Variants in RYR3 observed in about 807,000 individuals in gnomAD.
RYR3 encodes brain ryanodine receptor-calcium release channel.
In RYR3, 207 loss-of-function variants were observed where a neutral mutation model predicts 584.3. The observed-to-expected ratio is 0.35, with a 90% CI of 0.32 to 0.40. The LOEUF (loss-of-function observed/expected upper bound fraction) is 0.40. Ranked by LOEUF, RYR3 falls within the 10% of genes least tolerant of loss-of-function variation. RYR3 has a pLI of 1.00. For synonymous variants in RYR3, 2,416 were observed against 2,248.5 expected (o/e 1.07, Z -2.11); for missense variants, 5,616 against 6,089.2 (o/e 0.92, Z 2.59).
chr15:33,537,215 A>C lies in RYR3; in HGVS notation c.434-2135A>C, dbSNP rs184895773. Reference sequence around the variant, plus strand: ...TATTCATTTTCAAACTTTCCTATAGAAGTGAAAATCTGGTTAGATTCGCTT... The same window carrying C: ...TATTCATTTTCAAACTTTCCTATAGCAGTGAAAATCTGGTTAGATTCGCTT... On this transcript the variant is annotated intron_variant, in intron 5 of 103. Transcript: ENST00000634891. Among the ~76,000 whole-genome samples the C allele has an allele frequency of 2.2e-3, 337 of 152,270 alleles. 1 individual carries two copies. Among genetic ancestry groups the C allele is most frequent in the Non-Finnish European group, 3.6e-3 (248 of 68,010 alleles).
intron 39 of RYR3, 114 bp from the exon 40 acceptor site, chr15:33,697,768 G>A (rs1004293168): frequency 1.5e-6 from 1 of 659,712 alleles, no homozygotes; most frequent in Admixed American, 2.3e-5. Flanking sequence ...TATCTTTTCA[G>A]CCTGTTACTT....
At chr15:33,396,293 T>A (rs907127240) in intron 1 of RYR3, among the ~76,000 whole-genome samples, 2 of 152,216 alleles carry the variant, frequency 1.3e-5, no homozygotes, top group African/African-American at 4.8e-5. Flanking sequence ...ATCCCGTCTG[T>A]GTGAGTGAAG....
intron 40 of RYR3, among the ~76,000 whole-genome samples, chr15:33,698,825 C>T (rs949627918): frequency 3.3e-5 from 5 of 152,090 alleles, no homozygotes; most frequent in Non-Finnish European, 5.9e-5. Flanking sequence ...AGTTTCTGAA[C>T]CTTATTGCTT....
chr15:33,541,265 G>A (rs1279819147), intron 7 of RYR3, among the ~76,000 whole-genome samples: 1 of 152,096 alleles, frequency 6.6e-6, no homozygotes, highest in Non-Finnish European at 1.5e-5. Context: ...TTGCCAAGAA[G>A]GTGACATGGT....
At chr15:33,676,527 T>C (rs1412602695) in intron 38 of RYR3, among the ~76,000 whole-genome samples, 1 of 152,160 alleles carries the variant, frequency 6.6e-6, no homozygotes, top group Admixed American at 6.5e-5. Flanking sequence ...GAACAAGGCA[T>C]TAAAGAGAGC....
intron 47 of RYR3, among the ~76,000 whole-genome samples, chr15:33,729,781 C>G (rs2068791244): frequency 6.6e-6 from 1 of 152,118 alleles, no homozygotes; most frequent in Non-Finnish European, 1.5e-5. Context: ...GTCTAAAAAA[C>G]ATCTTTCCAG....
rs764639699 is a variant in RYR3 at position 33,603,151 on chromosome 15, G to A, written c.1951G>A (p.Ala651Thr). The A allele has an allele frequency of 2.7e-5, 44 of 1,613,676 alleles. No homozygotes were observed. The highest frequency in any genetic ancestry group is 9.3e-5 in the African/African-American group (7 of 74,870). Residue 651 changes from alanine (A) to threonine (T), a missense_variant, in exon 18 of 104, where the codon GCG (alanine) becomes ACG (threonine). Physicochemically the swap from Ala to Thr is moderately conservative, Grantham distance 58 (BLOSUM62 0). This residue lies in a region of RYR3 where 1,284 missense variants were observed against 1,344.6 expected (regional missense o/e 0.95). Coordinates refer to ENST00000634891, the MANE Select transcript of RYR3 (RefSeq NM_001036.6). ...CCGGCCAAACATCTTCCTGGGAGTC[G>A]CGGAGGGCTCAGCCCAGTACAAGAA... ...SIRPNIFLGV[A>T]EGSAQYKKWY...
chr15:33,489,660 A>G (rs185205805), intron 2 of RYR3, among the ~76,000 whole-genome samples: 28 of 152,314 alleles, frequency 1.8e-4, no homozygotes, highest in Non-Finnish European at 1.5e-5. Context: ...TAGTGCTACA[A>G]TGAATATTCA....
chr15:33,683,206 G>T (rs2064754316), intron 38 of RYR3, among the ~76,000 whole-genome samples: 1 of 151,952 alleles, frequency 6.6e-6, no homozygotes, highest in Non-Finnish European at 1.5e-5. Flanking sequence ...GTGTTTGCCA[G>T]GATGATCTCG....
At chr15:33,727,762 T>C (rs1243902428) in intron 46 of RYR3, among the ~76,000 whole-genome samples, 1 of 152,158 alleles carries the variant, frequency 6.6e-6, no homozygotes, top group African/African-American at 2.4e-5. Flanking sequence ...AGTCCCACAC[T>C]TTTCCGGTAC....
chr15:33,860,361 CA>C (rs1887722719), intron 100 of RYR3, among the ~76,000 whole-genome samples: 1 of 152,080 alleles, frequency 6.6e-6, no homozygotes, highest in African/African-American at 2.4e-5. Context: ...GAAAGAGTTT[CA>C]GGGAGGAGCA....
intron 1 of RYR3, among the ~76,000 whole-genome samples, chr15:33,417,173 G>A (rs1217818048): frequency 2.0e-5 from 3 of 151,910 alleles, no homozygotes; most frequent in East Asian, 3.9e-4. Context: ...GGCTATTTGG[G>A]GCTTTTTTGG....
chr15:33,860,164 T>G (rs1050853707), intron 100 of RYR3, among the ~76,000 whole-genome samples: 1 of 152,134 alleles, frequency 6.6e-6, no homozygotes, highest in Non-Finnish European at 1.5e-5. Flanking sequence ...TAAATTTAGC[T>G]TGAGTCATGC....
intron 1 of RYR3, among the ~76,000 whole-genome samples, chr15:33,407,747 T>A (rs2141446370): frequency 6.6e-6 from 1 of 152,170 alleles, no homozygotes; most frequent in South Asian, 2.1e-4. Context: ...AAAGAGAAAA[T>A]AGAGGCATCT....
intron 16 of RYR3, among the ~76,000 whole-genome samples, chr15:33,595,734 G>A (rs953329467): frequency 2.0e-5 from 3 of 152,062 alleles, no homozygotes; most frequent in Non-Finnish European, 2.9e-5. Flanking sequence ...TTAGACCCAG[G>A]AGTTAGAGCC....
intron 1 of RYR3, among the ~76,000 whole-genome samples, chr15:33,439,016 C>A (rs2045983623): frequency 6.6e-6 from 1 of 152,104 alleles, no homozygotes; most frequent in Non-Finnish European, 1.5e-5. Context: ...GTATTAGTAA[C>A]TTGAAGTTCA....
At chr15:33,604,189 C>T (rs557647500) in intron 18 of RYR3, among the ~76,000 whole-genome samples, 12 of 152,326 alleles carry the variant, frequency 7.9e-5, no homozygotes, top group South Asian at 2.1e-4. Flanking sequence ...GCCGTGTGCC[C>T]GTTACATAAG....
At chr15:33,345,868 A>C (rs1258335990) in intron 1 of RYR3, among the ~76,000 whole-genome samples, 3 of 152,250 alleles carry the variant, frequency 2.0e-5, no homozygotes, top group African/African-American at 7.2e-5. Flanking sequence ...CCATCCACCC[A>C]GTAAAGCGGT....
intron 1 of RYR3, among the ~76,000 whole-genome samples, chr15:33,445,267 C>T (rs915084975): frequency 1.3e-5 from 2 of 151,754 alleles, no homozygotes; most frequent in Non-Finnish European, 2.9e-5. Context: ...TTGGAGTTGG[C>T]GGTGATAGGG....
Sources: allele counts gnomAD v4.1 joint callset (sites outside exome capture counted in the v4.1 genomes callset), GRCh38; gene constraint gnomAD v4.1.1; regional missense constraint gnomAD v4.1.1; transcripts MANE v1.5; gene names NCBI Gene and HGNC (gene_info 2026-07-23, HGNC 2026-07-21).